TMEM132D: variants seen among roughly 807,000 people sequenced by gnomAD.
TMEM132D encodes mature OL transmembrane protein.
Under a neutral mutation model 62.3 loss-of-function variants are expected in TMEM132D, and 21 were observed. That is an observed-to-expected ratio of 0.34 (90% confidence interval 0.24 to 0.49). TMEM132D has a LOEUF of 0.49. TMEM132D is among the 20% of genes least tolerant of loss of function. The pLI is 0.99. For missense variants in TMEM132D, 1,346 were observed against 1,402.8 expected (o/e 0.96, Z 0.65); for synonymous variants, 621 against 575.6 (o/e 1.08, Z -1.13).
chr12:129,628,633 G>A (rs1177441898), intron 2 of TMEM132D, among the ~76,000 whole-genome samples: 1 of 152,142 alleles, frequency 6.6e-6, no homozygotes, highest in Non-Finnish European at 1.5e-5. Flanking sequence ...GCCTCATCGG[G>A]GAATCATTCA....
At chr12:129,261,779 A>T (rs773845548) in intron 4 of TMEM132D, among the ~76,000 whole-genome samples, 1 of 152,146 alleles carries the variant, frequency 6.6e-6, no homozygotes, top group South Asian at 2.1e-4. Context: ...GACACCAAGC[A>T]TATTGGATTA....
At chr12:129,472,465 G>A (rs1019860629) in intron 3 of TMEM132D, among the ~76,000 whole-genome samples, 1 of 152,124 alleles carries the variant, frequency 6.6e-6, no homozygotes, top group African/African-American at 2.4e-5. Flanking sequence ...AGAGAATTAG[G>A]ATAAATACCT....
chr12:129,779,495 C>T lies in TMEM132D; in HGVS notation c.80-78797G>A, dbSNP rs1005224066. ...TGAGGTCTCATCATATTGTCCCAGG[C>T]TGGTCTCAAACTCATGGACTCAAAC... On this transcript the variant is annotated intron_variant, in intron 1 of 8. Transcript: ENST00000422113. The surrounding 1 kb of genome is among the most constrained non-coding windows in gnomAD (Gnocchi z 4.1). Among the ~76,000 whole-genome samples the T allele has an allele frequency of 3.3e-5, 5 of 152,186 alleles. No homozygotes were observed. The highest frequency in any genetic ancestry group is 7.3e-5 in the Non-Finnish European group (5 of 68,042).
rs565040855 is a variant in TMEM132D at position 129,269,351 on chromosome 12, C to T, written c.1300-59688G>A. Among the ~76,000 whole-genome samples, 6 of 152,170 alleles carry T rather than the reference C, an allele frequency of 3.9e-5. No individual in the cohort carries two copies. The South Asian group carries it at 6.2e-4, about 16-fold the overall frequency. ...TTTTTGCACAGTACTTTTTCTGATA[C>T]TTTTCCTCCCTCCCTTCCTCCCTTC... On this transcript the variant is annotated intron_variant, in intron 4 of 8. Coordinates refer to ENST00000422113, the MANE Select transcript of TMEM132D (RefSeq NM_133448.3).
At chr12:129,737,731 T>A (rs1869473007) in intron 1 of TMEM132D, among the ~76,000 whole-genome samples, 1 of 152,220 alleles carries the variant, frequency 6.6e-6, no homozygotes, top group Non-Finnish European at 1.5e-5. Flanking sequence ...AAATGTCTGC[T>A]ATAAACAAAA....
intron 1 of TMEM132D, among the ~76,000 whole-genome samples, chr12:129,774,593 T>C (rs1870860044): frequency 6.6e-6 from 1 of 152,252 alleles, no homozygotes; most frequent in Non-Finnish European, 1.5e-5. Context: ...GGGTAGAGAC[T>C]CCAAATATAA....
chr12:129,295,031 A>C (rs1446046834), intron 4 of TMEM132D, among the ~76,000 whole-genome samples: 1 of 152,196 alleles, frequency 6.6e-6, no homozygotes, highest in Admixed American at 6.5e-5. Flanking sequence ...TGAGTAAAGC[A>C]AATTGCCCTC....
intron 5 of TMEM132D, among the ~76,000 whole-genome samples, chr12:129,121,071 C>A (rs1316137452): frequency 6.6e-6 from 1 of 151,850 alleles, no homozygotes; most frequent in South Asian, 2.1e-4. Flanking sequence ...TACTAATCAG[C>A]TGATTTTATT....
chr12:129,745,478 T>TTCACAAC (rs1869747758), intron 1 of TMEM132D, among the ~76,000 whole-genome samples: 3 of 152,276 alleles, frequency 2.0e-5, no homozygotes, highest in South Asian at 2.1e-4. Flanking sequence ...AGACTGCCCT[T>TTCACAAC]TCACAACAGC....
chr12:129,468,242 T>C (rs1355287234), intron 3 of TMEM132D, among the ~76,000 whole-genome samples: 1 of 152,162 alleles, frequency 6.6e-6, no homozygotes, highest in Non-Finnish European at 1.5e-5. Context: ...AGTGGCTTTT[T>C]TCTTTCTGTT....
intron 5 of TMEM132D, among the ~76,000 whole-genome samples, chr12:129,202,521 G>A (rs545878728): frequency 4.3e-4 from 65 of 152,326 alleles, no homozygotes; most frequent in Admixed American, 6.5e-4. Context: ...GTGGTTTCAT[G>A]AGTCATTCTC....
intron 2 of TMEM132D, among the ~76,000 whole-genome samples, chr12:129,600,397 T>C (rs1878454217): frequency 6.6e-6 from 1 of 152,200 alleles, no homozygotes. Flanking sequence ...AAGTCATCCA[T>C]GAGGGTTGGA....
chr12:129,200,072 T>C (rs1878659264), intron 5 of TMEM132D, among the ~76,000 whole-genome samples: 1 of 152,164 alleles, frequency 6.6e-6, no homozygotes, highest in African/African-American at 2.4e-5. Context: ...GTTTATGTGG[T>C]ACAGTTCATC....
intron 2 of TMEM132D, among the ~76,000 whole-genome samples, chr12:129,631,195 T>C (rs1879336841): frequency 6.6e-6 from 1 of 152,212 alleles, no homozygotes; most frequent in African/African-American, 2.4e-5. Flanking sequence ...AGCCTGGAGC[T>C]GTCTGACATC....
chr12:129,180,210 GGGAGGAGGA>G (rs61354153), intron 5 of TMEM132D, among the ~76,000 whole-genome samples: 2 of 149,912 alleles, frequency 1.3e-5, no homozygotes, highest in Admixed American at 6.7e-5. Context: ...ACAGATAGTG[GGGAGGAGGA>G]GGAGGAGGAG....
chr12:129,177,019 T>C (rs1040423036), intron 5 of TMEM132D, among the ~76,000 whole-genome samples: 1 of 152,238 alleles, frequency 6.6e-6, no homozygotes, highest in Non-Finnish European at 1.5e-5. Context: ...CTCTTTGGTT[T>C]GGTGCATGGC....
intron 1 of TMEM132D, among the ~76,000 whole-genome samples, chr12:129,791,337 A>G (rs546629894): frequency 6.6e-6 from 1 of 152,370 alleles, no homozygotes; most frequent in Non-Finnish European, 1.5e-5. Context: ...CTGCAGCCTG[A>G]CAACAAAAGA....
chr12:129,680,618 C>T (rs1880753345), intron 2 of TMEM132D, among the ~76,000 whole-genome samples: 1 of 152,168 alleles, frequency 6.6e-6, no homozygotes, highest in Non-Finnish European at 1.5e-5. Flanking sequence ...AAAATATCTC[C>T]TCAAACTGTT....
At chr12:129,397,844 AG>A (rs1871474872) in intron 3 of TMEM132D, among the ~76,000 whole-genome samples, 1 of 152,142 alleles carries the variant, frequency 6.6e-6, no homozygotes, top group South Asian at 2.1e-4. Flanking sequence ...GATTCATCTC[AG>A]GCTGTAGAGC....
Sources: allele counts gnomAD v4.1 joint callset (sites outside exome capture counted in the v4.1 genomes callset), GRCh38; gene constraint gnomAD v4.1.1; non-coding constraint Gnocchi (gnomAD v3.1); transcripts MANE v1.5; gene names NCBI Gene and HGNC (gene_info 2026-07-23, HGNC 2026-07-21).